Variants in WDFY4 observed in about 807,000 individuals in gnomAD.
WDFY4 encodes the protein WDFY family member 4.
WDFY4 carries 169 observed loss-of-function variants against 351.9 expected under a neutral mutation model. That is an observed-to-expected ratio of 0.48 (90% CI 0.42 to 0.55). WDFY4 has a LOEUF of 0.55. Among genes scored for constraint, WDFY4 ranks in the 20% least tolerant of loss-of-function variants. WDFY4 has a pLI of 0.00. For missense variants in WDFY4, 3,803 were observed against 3,935.6 expected (o/e 0.97, Z 0.90); for synonymous variants, 1,622 against 1,574.6 (o/e 1.03, Z -0.71).
At chr10:48,753,260 G>A (rs1368389336) in intron 12 of WDFY4, among the ~76,000 whole-genome samples, 1 of 151,892 alleles carries the variant, frequency 6.6e-6, no homozygotes, top group Non-Finnish European at 1.5e-5. Flanking sequence ...ATATATTGTG[G>A]GTACTAGACT....
intron 11 of WDFY4, 81 bp downstream of exon 11, chr10:48,736,151 C>G (rs1434768043): frequency 6.7e-7 from 1 of 1,502,572 alleles, no homozygotes; most frequent in South Asian, 1.2e-5. Context: ...CATTTGTATT[C>G]ATGTAATTCA....
rs1202616387 is a variant in WDFY4, at chr10:48,968,940, G to A, written c.8585-124G>A. 2.3e-5 allele frequency: 22 copies of A among 973,342 alleles called. No individual in the cohort carries two copies. In the Admixed American group the frequency reaches 4.5e-4, roughly 20 times the overall value. The allele number at this position is 973,342 out of a possible 1,614,324, so 60.3% of individuals were successfully genotyped here. A position where few individuals can be genotyped will look rare whatever the true frequency, so the allele number is the denominator to read the frequency against. ...CTCCTGCCCAGGGCCCAGCTGCAGT[G>A]GGTGCTGTCCTTCCATGCTTAAGTT... On this transcript the variant is annotated intron_variant, in intron 55 of 61. Coordinates refer to ENST00000325239, the MANE Select transcript of WDFY4 (RefSeq NM_001394531.1).
chr10:48,836,489 T>G (rs760385569), intron 39 of WDFY4, among the ~76,000 whole-genome samples: 3 of 152,184 alleles, frequency 2.0e-5, no homozygotes. Flanking sequence ...ACATTATTCA[T>G]TTGGTGTTAT....
At chr10:48,927,850 G>T (rs1054089717) in intron 47 of WDFY4, among the ~76,000 whole-genome samples, 12 of 152,086 alleles carry the variant, frequency 7.9e-5, no homozygotes, top group Admixed American at 2.0e-4. Flanking sequence ...TGTTTTAATT[G>T]GATTTGTTAA....
At chr10:48,731,637 G>A in intron 9 of WDFY4, 75 bp downstream of exon 9, 2 of 1,451,488 alleles carry the variant, frequency 1.4e-6, no homozygotes, top group Non-Finnish European at 1.8e-6. Flanking sequence ...CAATCTGGCT[G>A]CCCATCAAAT....
chr10:48,705,805 C>G (rs2063611886), intron 1 of WDFY4, among the ~76,000 whole-genome samples: 1 of 152,210 alleles, frequency 6.6e-6, no homozygotes, highest in Non-Finnish European at 1.5e-5. Context: ...CTCTGGATCT[C>G]CAGCTAAGTC....
At chr10:48,852,617 C>G (rs911640859) in intron 39 of WDFY4, among the ~76,000 whole-genome samples, 1 of 152,164 alleles carries the variant, frequency 6.6e-6, no homozygotes, top group Non-Finnish European at 1.5e-5. Context: ...CATTTTGCCT[C>G]CTACTCCACT....
At chr10:48,896,513 C>T (rs575189902) in intron 44 of WDFY4, among the ~76,000 whole-genome samples, 1 of 152,330 alleles carries the variant, frequency 6.6e-6, no homozygotes, top group East Asian at 1.9e-4. Flanking sequence ...GTGAGAGCCT[C>T]ACTCACCTCT....
At chr10:48,834,577 C>T (rs1236345720) in intron 39 of WDFY4, among the ~76,000 whole-genome samples, 1 of 152,204 alleles carries the variant, frequency 6.6e-6, no homozygotes, top group Non-Finnish European at 1.5e-5. Context: ...GGAGCATTCC[C>T]ACTTGTGCCC....
chr10:48,775,799 G>A lies in WDFY4; in HGVS notation c.2856G>A (p.Gly952=), dbSNP rs1229011542. 2.6e-6 allele frequency: 4 copies of A among 1,551,590 alleles called. No individual in the cohort carries two copies. The highest frequency in any genetic ancestry group is 3.5e-6 in the Non-Finnish European group (4 of 1,146,958). ...DSSHTHRGNP[G]CSGSQTAQGL... ...CTCACACACACAGAGGCAACCCTGGGTGCTCAGGTGAGGACAGTGGCAAGA... is the reference window on the plus strand; with the variant it reads ...CTCACACACACAGAGGCAACCCTGGATGCTCAGGTGAGGACAGTGGCAAGA... Residue 952 remains glycine (G), a synonymous_variant, in exon 15 of 62, where the codon GGG becomes GGA. Coordinates refer to ENST00000325239, the MANE Select transcript of WDFY4 (RefSeq NM_001394531.1).
At chr10:48,943,530 C>CCTCTGCTG in intron 49 of WDFY4, 81 bp downstream of exon 49, 4 of 1,440,128 alleles carry the variant, frequency 2.8e-6, no homozygotes, top group Non-Finnish European at 2.8e-6. Context: ...GCATGCAGAG[C>CCTCTGCTG]CTCTGCTAGG....
At chr10:48,833,892 T>C (rs1175788905) in intron 39 of WDFY4, among the ~76,000 whole-genome samples, 1 of 152,106 alleles carries the variant, frequency 6.6e-6, no homozygotes, top group African/African-American at 2.4e-5. Context: ...CTTCGGGAAA[T>C]GAGGTGGAGC....
Position 48,913,362 on chromosome 10 carries a change from C to A in WDFY4, c.7586+11499C>A, listed in dbSNP as rs80176262. On this transcript the variant is annotated intron_variant, in intron 47 of 61. Transcript: ENST00000325239. ...CCCTCTTCCCTCCCTCTCTCTTTCCCTTCTGCCTCAGGGTCAGGTTCCAAG... is the reference window on the plus strand; with the variant it reads ...CCCTCTTCCCTCCCTCTCTCTTTCCATTCTGCCTCAGGGTCAGGTTCCAAG... 2,246 of 1,594,234 alleles carry A rather than the reference C, an allele frequency of 1.4e-3. 39 individuals carry two copies. The African/African-American group carries it at 0.028, about 20-fold the overall frequency.
intron 39 of WDFY4, among the ~76,000 whole-genome samples, chr10:48,856,373 T>A (rs1305215271): frequency 2.0e-5 from 3 of 152,100 alleles, no homozygotes; most frequent in Non-Finnish European, 2.9e-5. Context: ...TTGATAAGAG[T>A]ATTCAAGAAA....
intron 57 of WDFY4, among the ~76,000 whole-genome samples, chr10:48,973,682 C>T (rs1842429225): frequency 6.6e-6 from 1 of 152,212 alleles, no homozygotes; most frequent in Non-Finnish European, 1.5e-5. Context: ...CTCTGGAGTG[C>T]TGGTGATGGA....
intron 20 of WDFY4, 115 bp downstream of exon 20, chr10:48,786,985 G>C (rs2066425218): frequency 1.2e-6 from 1 of 808,622 alleles, no homozygotes; most frequent in African/African-American, 1.7e-5. Context: ...AGTCATTAGG[G>C]AAGACCTCTG....
In WDFY4 at chr10:48,982,878, G is replaced by GAAAA. The variant is rs61366126; in HGVS notation, c.*311_*314dup. On this transcript the variant is annotated 3_prime_UTR_variant, in exon 62 of 62. Transcript: ENST00000325239. Reference sequence around the variant, plus strand: ...TCACCTTATTAAGGGCTATTGCACTGAAAAAAAAAAAGATGGGTCGCTTAC... The same window carrying GAAAA: ...TCACCTTATTAAGGGCTATTGCACTGAAAAAAAAAAAAAAAGATGGGTCGCTTAC... The GAAAA allele has an allele frequency of 3.3e-5, 10 of 305,760 alleles. No homozygotes were observed. The highest frequency in any genetic ancestry group is 4.4e-5 in the African/African-American group (2 of 45,472). The allele number at this position is 305,760 out of a possible 1,614,324, so 18.9% of individuals were successfully genotyped here. A position where few individuals can be genotyped will look rare whatever the true frequency, so the allele number is the denominator to read the frequency against.
intron 57 of WDFY4, among the ~76,000 whole-genome samples, chr10:48,974,311 T>C (rs1255965784): frequency 6.6e-6 from 1 of 151,910 alleles, no homozygotes; most frequent in Non-Finnish European, 1.5e-5. Flanking sequence ...AAGACCAGCC[T>C]GGCTAACTTG....
At chr10:48,878,338 T>C (rs897921605) in intron 43 of WDFY4, 7 of 152,104 alleles carry the variant, frequency 4.6e-5, no homozygotes, top group African/African-American at 1.7e-4. Flanking sequence ...TGGGAGTGGA[T>C]CTGAACCAAG....
Sources: gnomAD v4.1 joint callset for allele counts (sites outside exome capture counted in the v4.1 genomes callset) on GRCh38, gnomAD v4.1.1 for gene constraint, MANE v1.5 for transcripts, NCBI Gene and HGNC (gene_info 2026-07-23, HGNC 2026-07-21) for gene names.